Variants in FBXL7 observed in about 807,000 individuals in gnomAD.
FBXL7 encodes F-box and leucine rich repeat protein 7.
In FBXL7, 12 loss-of-function variants were observed where a neutral mutation model predicts 38.3. The ratio of observed to expected loss-of-function variants is 0.31; its 90% CI spans 0.20 to 0.51. The LOEUF (loss-of-function observed/expected upper bound fraction) is 0.51. FBXL7 is among the 20% of genes least tolerant of loss of function. FBXL7 has a pLI of 0.98. For missense variants in FBXL7, 567 were observed against 676.4 expected (o/e 0.84, Z 1.79); for synonymous variants, 297 against 300.9 (o/e 0.99, Z 0.13).
At chr5:15,797,204 C>A (rs541026662) in intron 2 of FBXL7, among the ~76,000 whole-genome samples, 1 of 152,288 alleles carries the variant, frequency 6.6e-6, no homozygotes, top group East Asian at 1.9e-4. Context: ...AGGTTGGGCA[C>A]AGCATACAAG....
chr5:15,797,931 G>C (rs919967314), intron 2 of FBXL7, among the ~76,000 whole-genome samples: 2 of 152,138 alleles, frequency 1.3e-5, no homozygotes, highest in Admixed American at 1.3e-4. Context: ...AGACCTTTCA[G>C]GGGAAAGTAA....
At chr5:15,584,023 A>G (rs1739229037) in intron 1 of FBXL7, among the ~76,000 whole-genome samples, 1 of 152,166 alleles carries the variant, frequency 6.6e-6, no homozygotes, top group South Asian at 2.1e-4. Flanking sequence ...GGAAGTCGAC[A>G]AGGCCTGGGG....
rs1212273759 is a variant in FBXL7, at chr5:15,625,999, A to G, written c.127+9927A>G. Among the ~76,000 whole-genome samples the G allele has an allele frequency of 2.0e-5, 3 of 152,236 alleles. No individual in the cohort carries two copies. In the South Asian group the frequency reaches 6.2e-4, roughly 32 times the overall value. On this transcript the variant is annotated intron_variant, in intron 2 of 3. Coordinates refer to ENST00000504595, the MANE Select transcript of FBXL7 (RefSeq NM_012304.5). ...CTTAAGAGGAAGAGATTCTGAAGTC[A>G]GAAATGTGGTATTAGGAGCTTTTAG...
intron 1 of FBXL7, among the ~76,000 whole-genome samples, chr5:15,609,013 C>T (rs1010177837): frequency 6.6e-6 from 1 of 152,100 alleles, no homozygotes; most frequent in Non-Finnish European, 1.5e-5. Context: ...ATATGTGTGG[C>T]GTGGAAATGG....
At chr5:15,557,184 A>T (rs1738269629) in intron 1 of FBXL7, among the ~76,000 whole-genome samples, 1 of 152,178 alleles carries the variant, frequency 6.6e-6, no homozygotes, top group South Asian at 2.1e-4. Flanking sequence ...GTGATCCCCC[A>T]GCCTTGGCCT....
chr5:15,863,476 A>G (rs1029347045), intron 2 of FBXL7, among the ~76,000 whole-genome samples: 6 of 152,218 alleles, frequency 3.9e-5, no homozygotes, highest in African/African-American at 1.4e-4. Flanking sequence ...GGGTCATAAA[A>G]TATCTACATG....
intron 2 of FBXL7, among the ~76,000 whole-genome samples, chr5:15,724,311 T>C (rs1384810661): frequency 2.0e-5 from 3 of 152,198 alleles, no homozygotes; most frequent in Non-Finnish European, 4.4e-5. Context: ...ACAAACAGTC[T>C]TTAATATTTC....
intron 2 of FBXL7, among the ~76,000 whole-genome samples, chr5:15,822,158 C>T (rs1284460967): frequency 6.6e-6 from 1 of 150,552 alleles, no homozygotes; most frequent in Non-Finnish European, 1.5e-5. Flanking sequence ...CGAGACCATC[C>T]TGTCTAACAT....
intron 2 of FBXL7, among the ~76,000 whole-genome samples, chr5:15,758,688 T>A (rs1347711173): frequency 6.6e-6 from 1 of 152,204 alleles, no homozygotes; most frequent in African/African-American, 2.4e-5. Flanking sequence ...TCATTTTTGT[T>A]TAACACGGAC....
intron 2 of FBXL7, among the ~76,000 whole-genome samples, chr5:15,813,371 A>T (rs1737921363): frequency 6.6e-6 from 1 of 152,234 alleles, no homozygotes; most frequent in East Asian, 1.9e-4. Context: ...CTGACTAGCC[A>T]TATGCAGAAA....
chr5:15,614,199 G>A (rs80310242), intron 1 of FBXL7, among the ~76,000 whole-genome samples: 1,718 of 152,104 alleles, frequency 0.011, 31 homozygotes, highest in African/African-American at 0.04. Flanking sequence ...CACTTGTGGA[G>A]CAAAAAGAAT....
chr5:15,565,401 T>G (rs779762448), intron 1 of FBXL7, among the ~76,000 whole-genome samples: 1 of 151,980 alleles, frequency 6.6e-6, no homozygotes, highest in Non-Finnish European at 1.5e-5. Context: ...GGGTCTTTGT[T>G]AGAGACCCTC....
At chr5:15,904,457 AGATT>A (rs1466812302) in intron 2 of FBXL7, among the ~76,000 whole-genome samples, 1 of 152,206 alleles carries the variant, frequency 6.6e-6, no homozygotes, top group African/African-American at 2.4e-5. Flanking sequence ...ATTATTAGAT[AGATT>A]ATGGTTGGAA....
intron 2 of FBXL7, among the ~76,000 whole-genome samples, chr5:15,621,034 C>T (rs995919584): frequency 6.6e-6 from 1 of 152,162 alleles, no homozygotes; most frequent in Non-Finnish European, 1.5e-5. Context: ...GGTCGTAAGG[C>T]TGTTCCCCTA....
At chr5:15,672,938 AT>A (rs928074678) in intron 2 of FBXL7, among the ~76,000 whole-genome samples, 11 of 152,192 alleles carry the variant, frequency 7.2e-5, no homozygotes, top group Admixed American at 2.0e-4. Flanking sequence ...TTTGGGTGCT[AT>A]TTTTAGCCTT....
At chr5:15,898,719 C>T (rs1409158386) in intron 2 of FBXL7, among the ~76,000 whole-genome samples, 4 of 152,198 alleles carry the variant, frequency 2.6e-5, no homozygotes, top group Admixed American at 1.3e-4. Flanking sequence ...AATGTATTCT[C>T]GGCTCAGCTA....
chr5:15,743,540 C>T (rs570700882), intron 2 of FBXL7, among the ~76,000 whole-genome samples: 1 of 152,360 alleles, frequency 6.6e-6, no homozygotes, highest in Admixed American at 6.5e-5. Context: ...AGCACCCCCT[C>T]CCAGCTGCTT....
intron 2 of FBXL7, among the ~76,000 whole-genome samples, chr5:15,679,438 T>C (rs1179197660): frequency 6.6e-6 from 1 of 152,210 alleles, no homozygotes; most frequent in Non-Finnish European, 1.5e-5. Context: ...TTATTTATGT[T>C]TTCTCAGTTT....
intron 2 of FBXL7, among the ~76,000 whole-genome samples, chr5:15,793,461 T>C (rs1737329446): frequency 1.3e-5 from 2 of 152,204 alleles, no homozygotes; most frequent in Admixed American, 6.5e-5. Context: ...ATACTTATTA[T>C]TGGATTTGGG....
Sources: allele counts gnomAD v4.1 joint callset (sites outside exome capture counted in the v4.1 genomes callset), GRCh38; gene constraint gnomAD v4.1.1; transcripts MANE v1.5; gene names NCBI Gene and HGNC (gene_info 2026-07-23, HGNC 2026-07-21).